PCMT1: variants seen among roughly 807,000 people sequenced by gnomAD.
PCMT1 encodes the protein protein-L-isoaspartate(D-aspartate) O-methyltransferase.
A neutral mutation model predicts 29.2 loss-of-function variants in PCMT1; 9 were observed. That is an observed-to-expected ratio of 0.31 (90% CI 0.19 to 0.54). The LOEUF (loss-of-function observed/expected upper bound fraction) is 0.54, where lower values mean the gene tolerates loss of function less well. Ranked by LOEUF, PCMT1 falls within the 20% of genes least tolerant of loss-of-function variation. PCMT1 has a pLI of 0.95. For missense variants in PCMT1, 184 were observed against 282.2 expected, an observed-to-expected ratio of 0.65 and a Z score of 2.49; for synonymous variants, 98 against 97.5, an observed-to-expected ratio of 1.00 and a Z score of -0.03.
chr6:149,773,016 GAA>G (rs373290909), intron 2 of PCMT1, 120 bp from the exon 3 acceptor site: 11,545 of 413,324 alleles, frequency 0.028, no homozygotes, highest in East Asian at 0.036. Flanking sequence ...GACTGTCTCA[GAA>G]AAAAAAAAAA....
chr6:149,790,644 T>C (rs915873469), intron 4 of PCMT1, among the ~76,000 whole-genome samples: 6 of 151,828 alleles, frequency 4.0e-5, no homozygotes, highest in African/African-American at 1.5e-4. Flanking sequence ...GTGGGGCATG[T>C]GGCTGGGGGA....
intron 5 of PCMT1, chr6:149,796,037 G>C (rs2115325840): frequency 5.6e-6 from 1 of 177,612 alleles, no homozygotes; most frequent in South Asian, 1.3e-4. Context: ...TCGTTCTTAA[G>C]AGTTGTGGGA....
intron 6 of PCMT1, among the ~76,000 whole-genome samples, chr6:149,801,775 G>A (rs1282206239): frequency 1.3e-5 from 2 of 152,036 alleles, no homozygotes; most frequent in South Asian, 2.1e-4. Flanking sequence ...AATAAAGAAC[G>A]TTTCTGCTTT....
intron 3 of PCMT1, 51 bp from the exon 4 acceptor site, chr6:149,789,903 C>A: frequency 8.1e-7 from 1 of 1,237,628 alleles, no homozygotes; most frequent in South Asian, 1.4e-5. Flanking sequence ...TATTTATATA[C>A]CATGATGTGT....
chr6:149,785,389 G>T, intron 3 of PCMT1, among the ~76,000 whole-genome samples: 3 of 136,970 alleles, frequency 2.2e-5, no homozygotes, highest in African/African-American at 2.7e-5. Flanking sequence ...AATGTGGTAT[G>T]TTTATTCAGT....
intron 3 of PCMT1, among the ~76,000 whole-genome samples, chr6:149,787,083 C>T (rs988485054): frequency 7.2e-6 from 1 of 139,054 alleles, no homozygotes; most frequent in Non-Finnish European, 1.5e-5. Flanking sequence ...GGAGACCAGC[C>T]CGGCCAACAC....
chr6:149,751,498 T>A (rs868786826), intron 1 of PCMT1, among the ~76,000 whole-genome samples: 144 of 144,620 alleles, frequency 1.0e-3, no homozygotes, highest in African/African-American at 2.9e-3. Flanking sequence ...TTTTTTTTTT[T>A]TGAGACAGAG....
chr6:149,795,981 C>T (rs1788594842), intron 5 of PCMT1, among the ~76,000 whole-genome samples: 1 of 152,136 alleles, frequency 6.6e-6, no homozygotes, highest in South Asian at 2.1e-4. Flanking sequence ...ATTATCCAGT[C>T]TGCCTTATCC....
chr6:149,790,960 T>G (rs1788340334), intron 4 of PCMT1, among the ~76,000 whole-genome samples: 1 of 151,982 alleles, frequency 6.6e-6, no homozygotes, highest in Non-Finnish European at 1.5e-5. Context: ...AAGCCTTGAT[T>G]GCACCACTGC....
At chr6:149,804,105 TAAA>T (rs1217116175) in intron 7 of PCMT1, among the ~76,000 whole-genome samples, 1 of 145,872 alleles carries the variant, frequency 6.9e-6, no homozygotes, top group Admixed American at 6.9e-5. Flanking sequence ...AAAAAAAAAT[TAAA>T]AAGGCATTTA....
chr6:149,773,858 A>G (rs1787439489), intron 3 of PCMT1, among the ~76,000 whole-genome samples: 1 of 152,218 alleles, frequency 6.6e-6, no homozygotes, highest in African/African-American at 2.4e-5. Context: ...ATTATTTCAC[A>G]TTTTATGTGG....
intron 7 of PCMT1, among the ~76,000 whole-genome samples, chr6:149,806,320 A>T (rs1302259485): frequency 6.6e-6 from 1 of 152,204 alleles, no homozygotes; most frequent in African/African-American, 2.4e-5. Context: ...ATTACATTTC[A>T]GAAAGATAAC....
intron 3 of PCMT1, among the ~76,000 whole-genome samples, chr6:149,786,697 C>CTGCAATCTCGGCACTTTGGGAG (rs1788108390): frequency 6.7e-6 from 1 of 150,270 alleles, no homozygotes; most frequent in Non-Finnish European, 1.5e-5. Flanking sequence ...CGGGCAGAGG[C>CTGCAATCTCGGCACTTTGGGAG]GCTCCTCACA....
intron 7 of PCMT1, among the ~76,000 whole-genome samples, chr6:149,803,052 C>CAAAAAAAAAAAAAA (rs60853264): frequency 1.4e-5 from 1 of 70,570 alleles, no homozygotes. Context: ...GGCTCTGTCT[C>CAAAAAAAAAAAAAA]AAAAAAAAAA....
intron 2 of PCMT1, chr6:149,772,387 C>T (rs1349129128): frequency 3.2e-6 from 1 of 317,006 alleles, no homozygotes; most frequent in Non-Finnish European, 6.1e-6. Context: ...GCTACTTTTT[C>T]AGTTATTCTA....
chr6:149,780,832 G>T (rs560376656), intron 3 of PCMT1, among the ~76,000 whole-genome samples: 4 of 152,108 alleles, frequency 2.6e-5, no homozygotes, highest in African/African-American at 9.6e-5. Context: ...ACACATTTTT[G>T]TGTGTTTTCA....
At chr6:149,769,207 G>A (rs1419589155) in intron 1 of PCMT1, among the ~76,000 whole-genome samples, 1 of 149,838 alleles carries the variant, frequency 6.7e-6, no homozygotes, top group East Asian at 2.0e-4. Flanking sequence ...AGTTCATTGT[G>A]TACCCCCTCC....
chr6:149,777,264 T>A (rs2115268939), intron 3 of PCMT1, among the ~76,000 whole-genome samples: 1 of 152,334 alleles, frequency 6.6e-6, no homozygotes, highest in South Asian at 2.1e-4. Context: ...TGTTTTATAA[T>A]AAAATGGTGA....
At chr6:149,783,392 A>G (rs982660183) in intron 3 of PCMT1, among the ~76,000 whole-genome samples, 1 of 152,090 alleles carries the variant, frequency 6.6e-6, no homozygotes, top group African/African-American at 2.4e-5. Flanking sequence ...CAGCCTCCCA[A>G]AGTGCTGGGA....
Sources: allele counts gnomAD v4.1 joint callset (sites outside exome capture counted in the v4.1 genomes callset), GRCh38; gene constraint gnomAD v4.1.1; transcripts MANE v1.5; gene names NCBI Gene and HGNC (gene_info 2026-07-23, HGNC 2026-07-21).